GLIS1: variants seen among roughly 807,000 people sequenced by gnomAD.
GLIS1 encodes the protein zinc finger protein GLIS1.
In GLIS1, 24 loss-of-function variants were observed where a neutral mutation model predicts 63.8. That is an observed-to-expected ratio of 0.38 (90% confidence interval 0.27 to 0.53). The LOEUF (loss-of-function observed/expected upper bound fraction) is 0.53, where lower values mean the gene tolerates loss of function less well. GLIS1 is among the 20% of genes least tolerant of loss of function. GLIS1 has a pLI of 0.85. For missense variants in GLIS1, 1,036 were observed against 1,074.1 expected (o/e 0.96, Z 0.50); for synonymous variants, 450 against 482.5 (o/e 0.93, Z 0.88).
chr1:53,693,412 C>A (rs1646429094), intron 2 of GLIS1, among the ~76,000 whole-genome samples: 1 of 152,226 alleles, frequency 6.6e-6, no homozygotes, highest in South Asian at 2.1e-4. Flanking sequence ...CCCTCGGGGG[C>A]AGGCATCTGG....
At chr1:53,707,770 CT>C (rs1379391923) in intron 2 of GLIS1, among the ~76,000 whole-genome samples, 1 of 151,898 alleles carries the variant, frequency 6.6e-6, no homozygotes, top group African/African-American at 2.4e-5. Flanking sequence ...CCAGGCTGGT[CT>C]CAAACTCTTG....
chr1:53,592,881 C>A (rs1036287378), intron 4 of GLIS1, among the ~76,000 whole-genome samples: 1 of 152,270 alleles, frequency 6.6e-6, no homozygotes, highest in South Asian at 2.1e-4. Flanking sequence ...TCCTGTCCGA[C>A]GCCCAGCTCC....
chr1:53,541,557 A>G (rs933989232), intron 4 of GLIS1, among the ~76,000 whole-genome samples: 6 of 152,260 alleles, frequency 3.9e-5, no homozygotes, highest in Non-Finnish European at 8.8e-5. Context: ...GTAGATGGAT[A>G]AAAACAGTGA....
At chr1:53,608,861 A>T (rs1267665644) in intron 2 of GLIS1, among the ~76,000 whole-genome samples, 3 of 152,222 alleles carry the variant, frequency 2.0e-5, no homozygotes, top group Non-Finnish European at 4.4e-5. Flanking sequence ...TGGCTTAATT[A>T]GACAGATTCC....
rs566149975 is a variant in GLIS1, at chr1:53,698,375, C to T, written c.259+39431G>A. Among the ~76,000 whole-genome samples, 14 of 152,360 alleles carry T rather than the reference C, an allele frequency of 9.2e-5. 1 individual carries two copies. The South Asian group carries it at 1.7e-3, about 18-fold the overall frequency. ...CAGGAGCCAACTCGAGCCTCTGCTT[C>T]TACATCCCCTCACCCTCCCCAGAAG... On this transcript the variant is annotated intron_variant, in intron 2 of 10. Coordinates refer to ENST00000628545, the MANE Select transcript of GLIS1 (RefSeq NM_001367484.1).
rs781132272 is a variant in GLIS1 at position 53,506,609 on chromosome 1, G to C, written c.*10C>G. 1.9e-6 allele frequency: 3 copies of C among 1,612,752 alleles called. No homozygotes were observed. The highest frequency in any genetic ancestry group is 1.7e-5 in the Admixed American group (1 of 59,982). On this transcript the variant is annotated 3_prime_UTR_variant, in exon 11 of 11. Transcript: ENST00000628545. ...CAGTGCTGGATGGGCAGGCGCATGTGGGGGCTCCTTCAGGTGTCTGTGTAG... is the reference window on the plus strand; with the variant it reads ...CAGTGCTGGATGGGCAGGCGCATGTCGGGGCTCCTTCAGGTGTCTGTGTAG...
intron 2 of GLIS1, among the ~76,000 whole-genome samples, chr1:53,662,385 T>G (rs531007322): frequency 1.3e-5 from 2 of 152,276 alleles, no homozygotes; most frequent in African/African-American, 4.8e-5. Flanking sequence ...CCCAATGAGG[T>G]AATGGATGGG....
At chr1:53,633,111 AGTGT>A (rs1431253538) in intron 2 of GLIS1, among the ~76,000 whole-genome samples, 1 of 112,810 alleles carries the variant, frequency 8.9e-6, no homozygotes, top group Admixed American at 8.7e-5. Context: ...GGGGTGTGTG[AGTGT>A]GACTGAGGGG....
At chr1:53,509,310 C>A in intron 9 of GLIS1, 23 bp from the exon 10 acceptor site, 1 of 1,545,356 alleles carries the variant, frequency 6.5e-7, no homozygotes, top group Non-Finnish European at 8.8e-7. Context: ...GTAGCAGGGG[C>A]CGCGTTCACA....
At chr1:53,542,955 G>A (rs1282861667) in intron 4 of GLIS1, among the ~76,000 whole-genome samples, 5 of 152,228 alleles carry the variant, frequency 3.3e-5, no homozygotes, top group Admixed American at 2.6e-4. Context: ...CAAAGATGGG[G>A]CAGGATGGTT....
Position 53,537,008 on chromosome 1 carries a change from T to C in GLIS1, c.1321-7056A>G, listed in dbSNP as rs996524537. 3.3e-5 allele frequency among the ~76,000 whole-genome samples: 5 copies of C among 152,336 alleles called. 1 individual carries two copies. The highest frequency in any genetic ancestry group is 6.8e-3 in the Middle Eastern group (2 of 294). ...AAGCCCCAGACCATCTGGAGTTTTA[T>C]AGTGACAGGCAGGGGAAAATCAGAA... On this transcript the variant is annotated intron_variant, in intron 4 of 10. Transcript: ENST00000628545.
At chr1:53,733,058 C>T (rs560667379) in intron 2 of GLIS1, among the ~76,000 whole-genome samples, 31 of 152,292 alleles carry the variant, frequency 2.0e-4, no homozygotes, top group Middle Eastern at 6.8e-3. Flanking sequence ...TTAGTTTCTC[C>T]CCTCTTCCAG....
At chr1:53,645,908 T>G (rs538761204) in intron 2 of GLIS1, among the ~76,000 whole-genome samples, 7 of 152,330 alleles carry the variant, frequency 4.6e-5, no homozygotes, top group Admixed American at 1.3e-4. Context: ...AATCAAAGCC[T>G]TATTGACCTG....
At chr1:53,658,115 C>T (rs920363449) in intron 2 of GLIS1, among the ~76,000 whole-genome samples, 1 of 152,174 alleles carries the variant, frequency 6.6e-6, no homozygotes, top group Non-Finnish European at 1.5e-5. Context: ...TCTTCAGAGG[C>T]CCCCATGCTG....
At chr1:53,570,644 G>C (rs4927009) in intron 4 of GLIS1, among the ~76,000 whole-genome samples, 11,649 of 152,146 alleles carry the variant, frequency 0.077, 614 homozygotes, top group Middle Eastern at 0.14. Context: ...CCAGAAATAG[G>C]CTCATAGATA....
intron 2 of GLIS1, among the ~76,000 whole-genome samples, chr1:53,693,282 G>C (rs1266560206): frequency 6.6e-6 from 1 of 152,200 alleles, no homozygotes; most frequent in Non-Finnish European, 1.5e-5. Context: ...TCAGTGGCAG[G>C]ACTTGAACCC....
At chr1:53,591,231 T>G (rs1645190355) in intron 4 of GLIS1, among the ~76,000 whole-genome samples, 1 of 152,166 alleles carries the variant, frequency 6.6e-6, no homozygotes, top group South Asian at 2.1e-4. Flanking sequence ...GGGTGCTGGT[T>G]GAGGCCCACC....
At chr1:53,540,760 G>A (rs554443925) in intron 4 of GLIS1, among the ~76,000 whole-genome samples, 14 of 152,336 alleles carry the variant, frequency 9.2e-5, no homozygotes, top group African/African-American at 2.6e-4. Flanking sequence ...GCAGTGGGGC[G>A]ATGGTACAGG....
chr1:53,673,177 G>A (rs1398453019), intron 2 of GLIS1, among the ~76,000 whole-genome samples: 3 of 152,184 alleles, frequency 2.0e-5, no homozygotes, highest in Non-Finnish European at 4.4e-5. Flanking sequence ...GCTCATAAGT[G>A]TTATGTCTTT....
Sources: allele counts gnomAD v4.1 joint callset (sites outside exome capture counted in the v4.1 genomes callset), GRCh38; gene constraint gnomAD v4.1.1; transcripts MANE v1.5; gene names NCBI Gene and HGNC (gene_info 2026-07-23, HGNC 2026-07-21).